Variants in STK10 observed in about 807,000 individuals in gnomAD.
STK10 encodes the protein serine/threonine-protein kinase 10.
STK10 carries 78 observed loss-of-function variants against 113.8 expected under a neutral mutation model. The ratio of observed to expected loss-of-function variants is 0.69; its 90% CI spans 0.57 to 0.83. STK10 has a LOEUF of 0.83. Among genes scored for constraint, STK10 ranks in the 40% least tolerant of loss-of-function variants. The pLI is 0.00. For missense variants in STK10, 1,109 were observed against 1,280.1 expected, an observed-to-expected ratio of 0.87 and a Z score of 2.04; for synonymous variants, 465 against 494.7, an observed-to-expected ratio of 0.94 and a Z score of 0.80.
rs571590874 is a variant in STK10, at chr5:172,103,726, C to T, written c.870+1930G>A. ...CCCCCCACCCCCGGCAGTAGATAGA[C>T]CTCATTTTGCATTCTGGTTCTTTTC... On this transcript the variant is annotated intron_variant, in intron 7 of 18. Transcript: ENST00000176763. Among the ~76,000 whole-genome samples, 14 of 152,014 alleles carry T rather than the reference C, an allele frequency of 9.2e-5. No homozygotes were observed. In the South Asian group the frequency reaches 2.1e-3, roughly 23 times the overall value.
At chr5:172,083,689 C>T (rs1199097965) in intron 10 of STK10, among the ~76,000 whole-genome samples, 1 of 152,108 alleles carries the variant, frequency 6.6e-6, no homozygotes, top group African/African-American at 2.4e-5. Context: ...AGAAGAATCA[C>T]CTGAGGTCAG....
intron 7 of STK10, among the ~76,000 whole-genome samples, chr5:172,100,557 C>T (rs1013710695): frequency 6.6e-6 from 1 of 152,122 alleles, no homozygotes; most frequent in Non-Finnish European, 1.5e-5. Flanking sequence ...GAGCCTGAGG[C>T]AGGTGCATCA....
At position 172,106,755 on chromosome 5, in the gene STK10, G is replaced by T; in HGVS notation, c.653C>A (p.Ala218Asp). Residue 218 changes from alanine to aspartate, a missense_variant, in exon 6 of 19, where the codon GCC (alanine) becomes GAC (aspartate). Ala to Asp is a moderately radical substitution (Grantham distance 126). Transcript: ENST00000176763. Reference sequence around the variant, plus strand: ...CGTGATGCCCAGGGACCAGATGTCGGCTTTGTAGTCGTAGGGCGTGTCTTT... The same window carrying T: ...CGTGATGCCCAGGGACCAGATGTCGTCTTTGTAGTCGTAGGGCGTGTCTTT... ...TMKDTPYDYK[A>D]DIWSLGITLI... 1 of 1,614,188 alleles carries T rather than the reference G, an allele frequency of 6.2e-7. No homozygotes were observed. The highest frequency in any genetic ancestry group is 1.3e-5 in the African/African-American group (1 of 75,056).
In STK10 at chr5:172,044,842, TG is replaced by T. The variant is rs1279484717; in HGVS notation, c.*39del. 1 of 1,613,840 alleles carries T rather than the reference TG, an allele frequency of 6.2e-7. No homozygotes were observed. On this transcript the variant is annotated 3_prime_UTR_variant, in exon 19 of 19. Transcript: ENST00000176763. This position sits in a 1 kb window ranked among gnomAD's most constrained non-coding sequence, Gnocchi z 4.5. ...TCACAGAGAATGAAGGAGAAGGCCC[TG>T]GGGCCCACCAAGCTGCCAGCCACAG...
At chr5:172,067,082 G>A (rs867739706) in intron 12 of STK10, among the ~76,000 whole-genome samples, 4 of 152,026 alleles carry the variant, frequency 2.6e-5, no homozygotes, top group South Asian at 4.2e-4. Flanking sequence ...AGCCAGGCAC[G>A]GTGGCTCACA....
chr5:172,046,714 G>A (rs1335190731), intron 18 of STK10, among the ~76,000 whole-genome samples: 1 of 152,152 alleles, frequency 6.6e-6, no homozygotes, highest in Non-Finnish European at 1.5e-5. Context: ...TGGCTTTGCA[G>A]GACATATTTG....
At chr5:172,185,889 G>C (rs1311714465) in intron 1 of STK10, among the ~76,000 whole-genome samples, 1 of 152,216 alleles carries the variant, frequency 6.6e-6, no homozygotes, top group African/African-American at 2.4e-5. Flanking sequence ...GCAAGTCGGG[G>C]CAGTCCAAAA....
intron 10 of STK10, among the ~76,000 whole-genome samples, chr5:172,085,624 G>C (rs1312892883): frequency 6.6e-6 from 1 of 150,688 alleles, no homozygotes; most frequent in African/African-American, 2.5e-5. Flanking sequence ...GGGAGGCAGA[G>C]GTTGTAGTGA....
intron 6 of STK10, among the ~76,000 whole-genome samples, chr5:172,106,269 G>C (rs1198087044): frequency 1.3e-5 from 2 of 151,712 alleles, no homozygotes; most frequent in African/African-American, 4.8e-5. Flanking sequence ...AGGCATGGTG[G>C]TGGGTGCCTG....
At chr5:172,109,326 C>CTT (rs199749477) in intron 4 of STK10, among the ~76,000 whole-genome samples, 3 of 143,690 alleles carry the variant, frequency 2.1e-5, no homozygotes, top group East Asian at 2.0e-4. Flanking sequence ...TAAATGAACA[C>CTT]TTTTTTTTTT....
chr5:172,054,952 A>C (rs1415748225), intron 16 of STK10, among the ~76,000 whole-genome samples: 1 of 152,192 alleles, frequency 6.6e-6, no homozygotes, highest in Non-Finnish European at 1.5e-5. Flanking sequence ...TGTGTGTAGC[A>C]GGCAGGAATC....
intron 2 of STK10, among the ~76,000 whole-genome samples, chr5:172,143,356 C>T (rs1770017919): frequency 6.6e-6 from 1 of 152,108 alleles, no homozygotes; most frequent in Admixed American, 6.5e-5. Flanking sequence ...CACAGCAAGA[C>T]ACTGTCTCAA....
chr5:172,160,600 G>A (rs1770450539), intron 1 of STK10, among the ~76,000 whole-genome samples: 1 of 152,130 alleles, frequency 6.6e-6, no homozygotes, highest in African/African-American at 2.4e-5. Context: ...AGTCTCCACC[G>A]TGGCACCTTC....
chr5:172,131,476 G>A (rs1381176617), intron 2 of STK10, among the ~76,000 whole-genome samples: 5 of 152,194 alleles, frequency 3.3e-5, no homozygotes, highest in Admixed American at 2.6e-4. Flanking sequence ...AGGAAAGCTC[G>A]TGCATTCTGA....
At chr5:172,045,705 T>C (rs1052120496) in intron 18 of STK10, among the ~76,000 whole-genome samples, 2 of 152,140 alleles carry the variant, frequency 1.3e-5, no homozygotes, top group Non-Finnish European at 2.9e-5. Flanking sequence ...TTTTCTTTTT[T>C]TTGAGACAGA....
At chr5:172,169,008 CCT>C (rs1770618990) in intron 1 of STK10, among the ~76,000 whole-genome samples, 1 of 152,112 alleles carries the variant, frequency 6.6e-6, no homozygotes, top group Non-Finnish European at 1.5e-5. Flanking sequence ...CCCGCCATTC[CCT>C]CTCACTCAGC....
At chr5:172,075,497 T>C (rs1174492127) in intron 12 of STK10, among the ~76,000 whole-genome samples, 1 of 151,952 alleles carries the variant, frequency 6.6e-6, no homozygotes, top group Non-Finnish European at 1.5e-5. Context: ...GCCAACATGG[T>C]GAAACCCCAT....
chr5:172,146,869 C>G (rs762409863), intron 2 of STK10, among the ~76,000 whole-genome samples: 3 of 152,234 alleles, frequency 2.0e-5, no homozygotes, highest in Non-Finnish European at 4.4e-5. Flanking sequence ...AGGCAGTGGA[C>G]ACCAGCTGTG....
intron 3 of STK10, among the ~76,000 whole-genome samples, chr5:172,118,878 CAAAAAA>C (rs3028101): frequency 1.4e-5 from 1 of 71,302 alleles, no homozygotes; most frequent in African/African-American, 5.0e-5. Flanking sequence ...GACTCAGTCT[CAAAAAA>C]AAAAAAAAAA....
Sources: gnomAD v4.1 joint callset for allele counts (sites outside exome capture counted in the v4.1 genomes callset) on GRCh38, gnomAD v4.1.1 for gene constraint, Gnocchi (gnomAD v3.1) non-coding constraint, MANE v1.5 for transcripts, NCBI Gene and HGNC (gene_info 2026-07-23, HGNC 2026-07-21) for gene names.